Variants in PROX1 observed in about 807,000 individuals in gnomAD.
PROX1 encodes prospero homeobox 1, also known as prospero homeobox protein 1.
A neutral mutation model predicts 58.8 loss-of-function variants in PROX1; 7 were observed. The ratio of observed to expected loss-of-function variants is 0.12; its 90% confidence interval spans 0.07 to 0.22. The LOEUF is 0.22. PROX1 is among the 10% of genes least tolerant of loss of function. PROX1 has a pLI of 1.00. For missense variants in PROX1, 675 were observed against 927.8 expected (o/e 0.73, Z 3.54); for synonymous variants, 350 against 358.3 (o/e 0.98, Z 0.26).
Position 214,038,357 on chromosome 1 carries a change from G to A in PROX1, c.*2523G>A, listed in dbSNP as rs967735771. On this transcript the variant is annotated 3_prime_UTR_variant, in exon 5 of 5. Transcript: ENST00000366958. ...CCAAGTGCATTGGAAAATGACAAAA[G>A]CCTGTCTCTCCAAATTCCTATTTAA... The A allele has an allele frequency of 2.6e-5, 4 of 151,718 alleles. No individual in the cohort carries two copies. The highest frequency in any genetic ancestry group is 2.0e-4 in the Admixed American group (3 of 15,216). 9.4% of individuals were successfully genotyped at this position (151,718 alleles called of 1,614,324 possible).
chr1:214,018,501 A>G (rs1324308953), intron 4 of PROX1, among the ~76,000 whole-genome samples: 1 of 152,212 alleles, frequency 6.6e-6, no homozygotes, highest in East Asian at 1.9e-4. Flanking sequence ...GAGATACAAA[A>G]TAAAGATGCA....
At chr1:213,989,871 C>T (rs1226508902) in intron 1 of PROX1, 2 of 152,274 alleles carry the variant, frequency 1.3e-5, no homozygotes, top group Non-Finnish European at 2.9e-5. Context: ...GAGAACAGAA[C>T]TAGAAGGAGG....
chr1:214,010,678 A>C (rs1383976232), intron 3 of PROX1, among the ~76,000 whole-genome samples: 2 of 152,208 alleles, frequency 1.3e-5, no homozygotes, highest in Non-Finnish European at 2.9e-5. Flanking sequence ...ATCCAGAAAG[A>C]CATCTTCATT....
At chr1:213,998,874 CT>C (rs59232877) in intron 2 of PROX1, among the ~76,000 whole-genome samples, 49 of 147,790 alleles carry the variant, frequency 3.3e-4, no homozygotes, top group South Asian at 2.0e-3. Flanking sequence ...TTAAGTGAGA[CT>C]TTTTTTTTTA....
At chr1:214,025,848 G>C (rs992859720) in intron 4 of PROX1, among the ~76,000 whole-genome samples, 2 of 151,946 alleles carry the variant, frequency 1.3e-5, no homozygotes, top group African/African-American at 4.8e-5. Context: ...ATTTCTAGTA[G>C]AGACGGGGTT....
intron 4 of PROX1, among the ~76,000 whole-genome samples, chr1:214,015,450 G>A (rs115704247): frequency 0.015 from 2,350 of 152,238 alleles, 34 homozygotes; most frequent in Admixed American, 0.047. Flanking sequence ...GAAAGAGCAA[G>A]TTTGGGATTC....
At chr1:213,992,838 G>T (rs148751068) in intron 1 of PROX1, among the ~76,000 whole-genome samples, 1 of 152,146 alleles carries the variant, frequency 6.6e-6, no homozygotes, top group Non-Finnish European at 1.5e-5. Context: ...CTTTATTAAA[G>T]TAGAGCACTT....
chr1:213,989,421 C>T (rs1345491125), intron 1 of PROX1, among the ~76,000 whole-genome samples: 1 of 151,854 alleles, frequency 6.6e-6, no homozygotes, highest in Non-Finnish European at 1.5e-5. Flanking sequence ...TCTTGGGCAG[C>T]AGAAATGGGA....
At chr1:214,012,821 G>A (rs992743878) in intron 4 of PROX1, among the ~76,000 whole-genome samples, 1 of 152,166 alleles carries the variant, frequency 6.6e-6, no homozygotes, top group Non-Finnish European at 1.5e-5. Flanking sequence ...TTGTAGATAG[G>A]TATCCAGGAA....
intron 1 of PROX1, among the ~76,000 whole-genome samples, chr1:213,993,560 T>C (rs1325018872): frequency 6.6e-6 from 1 of 152,222 alleles, no homozygotes; most frequent in Non-Finnish European, 1.5e-5. Flanking sequence ...ATGTGGTAAA[T>C]ATATTCATAT....
intron 3 of PROX1, among the ~76,000 whole-genome samples, chr1:214,010,382 G>A (rs1663865865): frequency 6.6e-6 from 1 of 152,160 alleles, no homozygotes; most frequent in African/African-American, 2.4e-5. Context: ...AACTTTCTGT[G>A]TAGTAATTAG....
At chr1:214,004,545 C>T (rs1663637771) in intron 2 of PROX1, among the ~76,000 whole-genome samples, 1 of 151,958 alleles carries the variant, frequency 6.6e-6, no homozygotes, top group Non-Finnish European at 1.5e-5. Context: ...CTCTCCATGC[C>T]AAAACTACTC....
chr1:214,010,497 T>C (rs1356755492), intron 3 of PROX1, among the ~76,000 whole-genome samples: 1 of 152,184 alleles, frequency 6.6e-6, no homozygotes, highest in African/African-American at 2.4e-5. Flanking sequence ...GTACATCTTT[T>C]TCTGGGGGCC....
intron 2 of PROX1, among the ~76,000 whole-genome samples, chr1:214,004,105 C>A (rs960286531): frequency 6.6e-6 from 1 of 152,124 alleles, no homozygotes; most frequent in Non-Finnish European, 1.5e-5. Context: ...TGTGGGGGAC[C>A]ACATTGATTT....
chr1:213,998,730 A>G (rs527802991), intron 2 of PROX1, among the ~76,000 whole-genome samples: 3 of 152,334 alleles, frequency 2.0e-5, no homozygotes, highest in Non-Finnish European at 2.9e-5. Context: ...AAGAATTCTC[A>G]GTGTAAACCA....
At chr1:214,006,125 G>C (rs542381135) in intron 3 of PROX1, among the ~76,000 whole-genome samples, 41 of 152,226 alleles carry the variant, frequency 2.7e-4, no homozygotes, top group African/African-American at 9.9e-4. Flanking sequence ...CATTAGCTGA[G>C]ATTAGTTTAT....
chr1:214,002,587 C>A (rs1415680232), intron 2 of PROX1, among the ~76,000 whole-genome samples: 7 of 152,168 alleles, frequency 4.6e-5, no homozygotes, highest in Admixed American at 3.9e-4. Context: ...TCCCCCCTCA[C>A]CCCACTCCCC....
chr1:213,995,923 A>C lies in PROX1; in HGVS notation c.-67-546A>C, dbSNP rs1353960178. ...TCCTTCCCATTTTACATATGACAAA[A>C]ATATTGTAAAATTCAAGAATAAAAG... On this transcript the variant is annotated intron_variant, in intron 1 of 4. Coordinates refer to ENST00000366958, the MANE Select transcript of PROX1 (RefSeq NM_001270616.2). 2.0e-5 allele frequency among the ~76,000 whole-genome samples: 3 copies of C among 152,330 alleles called. No homozygotes were observed. In the East Asian group the frequency reaches 5.8e-4, roughly 29 times the overall value.
intron 1 of PROX1, among the ~76,000 whole-genome samples, chr1:213,994,919 AT>A (rs1006936310): frequency 4.6e-5 from 7 of 151,562 alleles, no homozygotes; most frequent in Non-Finnish European, 8.8e-5. Flanking sequence ...ACTTAAAAAA[AT>A]ATACATATTG....
Sources: allele counts gnomAD v4.1 joint callset (sites outside exome capture counted in the v4.1 genomes callset), GRCh38; gene constraint gnomAD v4.1.1; transcripts MANE v1.5; gene names NCBI Gene and HGNC (gene_info 2026-07-23, HGNC 2026-07-21).